Variants in UMAD1 observed in about 807,000 individuals in gnomAD.
UMAD1 encodes the protein UBAP1-MVB12-associated (UMA)-domain containing protein 1.
In UMAD1, 8 loss-of-function variants were observed where a neutral mutation model predicts 6.1. The ratio of observed to expected loss-of-function variants is 1.30; its 90% CI spans 0.76 to 2.35. The LOEUF is 2.35. UMAD1 is among the 30% of genes most tolerant of loss of function. The pLI is 0.00. For missense variants in UMAD1, 130 were observed against 78.4 expected (o/e 1.66, Z -2.49); for synonymous variants, 56 against 31.4 (o/e 1.78, Z -2.61).
At chr7:7,790,764 C>T (rs190670145) in intron 2 of UMAD1, among the ~76,000 whole-genome samples, 1 of 152,308 alleles carries the variant, frequency 6.6e-6, no homozygotes, top group East Asian at 1.9e-4. Flanking sequence ...TTTAATAAAA[C>T]CAACCAGCTT....
intron 3 of UMAD1, among the ~76,000 whole-genome samples, chr7:7,844,069 T>C (rs1327899584): frequency 6.6e-6 from 1 of 152,234 alleles, no homozygotes; most frequent in Non-Finnish European, 1.5e-5. Flanking sequence ...ATACTTATCC[T>C]AAATTCATAG....
intron 3 of UMAD1, among the ~76,000 whole-genome samples, chr7:7,867,289 G>A (rs1266420536): frequency 6.6e-6 from 1 of 152,196 alleles, no homozygotes; most frequent in Non-Finnish European, 1.5e-5. Flanking sequence ...ATTGGTATAT[G>A]TGCATGTATC....
At chr7:7,692,671 G>A (rs542914753) in intron 2 of UMAD1, among the ~76,000 whole-genome samples, 2 of 152,238 alleles carry the variant, frequency 1.3e-5, no homozygotes, top group East Asian at 1.9e-4. Context: ...GTGCAGTAGC[G>A]TGATCTCAGC....
chr7:7,658,317 G>A (rs1344013150), intron 1 of UMAD1, among the ~76,000 whole-genome samples: 2 of 152,208 alleles, frequency 1.3e-5, no homozygotes, highest in East Asian at 1.9e-4. Context: ...TCTCTTGCCT[G>A]ATGGCCCTGG....
chr7:7,643,001 T>C (rs1785009750), intron 1 of UMAD1, among the ~76,000 whole-genome samples: 1 of 152,320 alleles, frequency 6.6e-6, no homozygotes, highest in South Asian at 2.1e-4. Flanking sequence ...TTGACGAATG[T>C]ACGTAGATCA....
intron 3 of UMAD1, among the ~76,000 whole-genome samples, chr7:7,807,026 G>C (rs1452921181): frequency 6.6e-6 from 1 of 152,116 alleles, no homozygotes; most frequent in Non-Finnish European, 1.5e-5. Context: ...AGTTTCAAGG[G>C]ATTGTGTTAG....
At chr7:7,725,842 G>T in intron 2 of UMAD1, among the ~76,000 whole-genome samples, 1 of 152,192 alleles carries the variant, frequency 6.6e-6, no homozygotes, top group Non-Finnish European at 1.5e-5. Context: ...AGTTGACGTA[G>T]GAAGAGAAGA....
At chr7:7,643,729 ACAAACGAAAAAAAAAG>A (rs1563077072) in intron 1 of UMAD1, among the ~76,000 whole-genome samples, 1,372 of 8,176 alleles carry the variant, frequency 0.17, 40 homozygotes, top group African/African-American at 0.34. Context: ...AAAAAAACAA[ACAAACGAAAAAAAAAG>A]GATCAACGGT....
At chr7:7,739,239 G>A (rs746142496) in intron 2 of UMAD1, among the ~76,000 whole-genome samples, 2 of 152,180 alleles carry the variant, frequency 1.3e-5, no homozygotes, top group Non-Finnish European at 2.9e-5. Flanking sequence ...GTAATGAACT[G>A]CTGCATCAGC....
intron 3 of UMAD1, among the ~76,000 whole-genome samples, chr7:7,843,778 A>G (rs980640855): frequency 5.3e-5 from 8 of 152,170 alleles, no homozygotes; most frequent in African/African-American, 1.9e-4. Flanking sequence ...AGGAAAAATT[A>G]TACTTCCAGA....
At chr7:7,748,839 G>A (rs1168426645) in intron 2 of UMAD1, among the ~76,000 whole-genome samples, 7 of 151,970 alleles carry the variant, frequency 4.6e-5, no homozygotes. Flanking sequence ...ATATTTATCA[G>A]AAGGATACTT....
At chr7:7,832,963 TTGTC>T (rs1164854136) in intron 3 of UMAD1, among the ~76,000 whole-genome samples, 3 of 152,082 alleles carry the variant, frequency 2.0e-5, no homozygotes, top group Admixed American at 6.5e-5. Context: ...GGGAAAGTGT[TTGTC>T]TGAGCAGAGG....
At chr7:7,847,097 AAAAAAAAATAT>A (rs1479560777) in intron 3 of UMAD1, among the ~76,000 whole-genome samples, 2 of 48,848 alleles carry the variant, frequency 4.1e-5, no homozygotes, top group Non-Finnish European at 6.7e-5. Context: ...CAAAAAAAAA[AAAAAAAAATAT>A]ATATATATAT....
intron 1 of UMAD1, among the ~76,000 whole-genome samples, chr7:7,668,752 C>A (rs1779532435): frequency 6.6e-6 from 1 of 152,178 alleles, no homozygotes; most frequent in Non-Finnish European, 1.5e-5. Context: ...GTGATACATA[C>A]ATTTAAGAAA....
At chr7:7,758,453 G>T (rs185413557) in intron 2 of UMAD1, among the ~76,000 whole-genome samples, 7 of 152,092 alleles carry the variant, frequency 4.6e-5, no homozygotes, top group Non-Finnish European at 7.4e-5. Flanking sequence ...CTTTATAAAA[G>T]TTATAAAGTA....
chr7:7,808,457 C>T (rs1201297240), intron 3 of UMAD1, among the ~76,000 whole-genome samples: 3 of 151,900 alleles, frequency 2.0e-5, no homozygotes, highest in Non-Finnish European at 4.4e-5. Context: ...AAACTGGAAC[C>T]GTATTAGCTA....
At chr7:7,720,294 A>G (rs28914835) in intron 2 of UMAD1, among the ~76,000 whole-genome samples, 15,513 of 152,230 alleles carry the variant, frequency 0.1, 1,012 homozygotes, top group African/African-American at 0.18. Flanking sequence ...TAAAAACCCT[A>G]GGCTGGTGGC....
chr7:7,759,367 G>A (rs1051052281), intron 2 of UMAD1, among the ~76,000 whole-genome samples: 2 of 152,160 alleles, frequency 1.3e-5, no homozygotes, highest in Non-Finnish European at 2.9e-5. Context: ...TTGTCTACAT[G>A]TGCTGGGTCA....
chr7:7,807,400 A>T (rs1782939042), intron 3 of UMAD1, among the ~76,000 whole-genome samples: 1 of 152,144 alleles, frequency 6.6e-6, no homozygotes. Context: ...ACACACGTGA[A>T]TCTCAATGGC....
Sources: gnomAD v4.1 joint callset for allele counts (sites outside exome capture counted in the v4.1 genomes callset) on GRCh38, gnomAD v4.1.1 for gene constraint, MANE v1.5 for transcripts, NCBI Gene and HGNC (gene_info 2026-07-23, HGNC 2026-07-21) for gene names.